TMEM116: variants seen among roughly 807,000 people sequenced by gnomAD.
The protein encoded by TMEM116 is transmembrane protein 116.
TMEM116 carries 38 observed loss-of-function variants against 44.3 expected under a neutral mutation model. That is an observed-to-expected ratio of 0.86 (90% CI 0.66 to 1.12). TMEM116 has a LOEUF of 1.12. Among genes scored for constraint, TMEM116 ranks in the 50% most tolerant of loss-of-function variants. TMEM116 has a pLI of 0.00. For missense variants in TMEM116, 354 were observed against 401.7 expected (o/e 0.88, Z 1.01); for synonymous variants, 132 against 144.8 (o/e 0.91, Z 0.64).
chr12:111,996,115 CT>C (rs774570511), intron 3 of TMEM116, among the ~76,000 whole-genome samples: 2 of 149,092 alleles, frequency 1.3e-5, no homozygotes, highest in African/African-American at 4.9e-5. Context: ...AACTGTAAAC[CT>C]TTTTTTTACA....
At chr12:111,969,538 GGGCACACCACA>G (rs2136445943) in intron 4 of TMEM116, among the ~76,000 whole-genome samples, 1 of 151,814 alleles carries the variant, frequency 6.6e-6, no homozygotes, top group South Asian at 2.1e-4. Flanking sequence ...GGGACTACCT[GGGCACACCACA>G]GGTGTGCACC....
intron 4 of TMEM116, among the ~76,000 whole-genome samples, chr12:111,989,327 T>C (rs978622801): frequency 6.6e-6 from 1 of 152,186 alleles, no homozygotes; most frequent in African/African-American, 2.4e-5. Context: ...GGGCCCCCTT[T>C]AGGCAGGAAA....
At position 111,943,354 on chromosome 12, in the gene TMEM116, A is replaced by G. The variant is rs562826268; in HGVS notation, c.226T>C (p.Ser76Pro). 1 of 1,613,030 alleles carries G rather than the reference A, an allele frequency of 6.2e-7. No individual in the cohort carries two copies. Among genetic ancestry groups the G allele is most frequent in the Non-Finnish European group, 8.5e-7 (1 of 1,179,130 alleles). Reference sequence around the variant, plus strand: ...ATGTAATTGACGGTGTAGAGAAATGAGGAAATGTAGAATATCTAGGTTAAA... The same window carrying G: ...ATGTAATTGACGGTGTAGAGAAATGGGGAAATGTAGAATATCTAGGTTAAA... ...QAVGQIFYIS[S>P]FLYTVNYIWY... The change falls in exon 5 of 11, where the codon TCA becomes CCA. Residue 76 changes from serine to proline, a missense_variant. Transcript: ENST00000552374.
chr12:111,981,790 A>G (rs1323135535), intron 4 of TMEM116, among the ~76,000 whole-genome samples: 2 of 152,210 alleles, frequency 1.3e-5, no homozygotes, highest in Non-Finnish European at 2.9e-5. Context: ...CTAAGTGTCC[A>G]TCAATAGATG....
At chr12:111,988,861 G>C (rs1040447969) in intron 4 of TMEM116, among the ~76,000 whole-genome samples, 2 of 151,526 alleles carry the variant, frequency 1.3e-5, no homozygotes, top group Non-Finnish European at 2.9e-5. Context: ...GTGTGGTGGC[G>C]GGCGCCTGTA....
chr12:111,939,757 G>GA, intron 5 of TMEM116, among the ~76,000 whole-genome samples: 1 of 152,116 alleles, frequency 6.6e-6, no homozygotes, highest in East Asian at 1.9e-4. Flanking sequence ...GGGCCCAGGA[G>GA]ATTGAGGCAG....
intron 3 of TMEM116, among the ~76,000 whole-genome samples, chr12:112,000,384 TGAGA>T (rs1213623574): frequency 6.6e-6 from 1 of 152,142 alleles, no homozygotes; most frequent in Non-Finnish European, 1.5e-5. Context: ...CCCTCAGAAA[TGAGA>T]GATAGAAAAA....
chr12:111,940,498 CATAT>C (rs1385809809), intron 5 of TMEM116, among the ~76,000 whole-genome samples: 45 of 118,850 alleles, frequency 3.8e-4, no homozygotes, highest in Middle Eastern at 4.3e-3. Context: ...CACACACACA[CATAT>C]ATATACACAC....
intron 4 of TMEM116, among the ~76,000 whole-genome samples, chr12:111,970,951 T>C (rs1452358525): frequency 6.6e-6 from 1 of 152,148 alleles, no homozygotes; most frequent in Non-Finnish European, 1.5e-5. Flanking sequence ...AACAACATGT[T>C]ACGTACAGAG....
chr12:111,991,994 T>C, intron 3 of TMEM116, 105 bp from the exon 4 acceptor site: 1 of 1,229,974 alleles, frequency 8.1e-7, no homozygotes, highest in Non-Finnish European at 1.1e-6. Context: ...ACTGACATCA[T>C]TTTTCTGGGG....
chr12:111,949,879 C>A (rs1344269575), intron 4 of TMEM116, among the ~76,000 whole-genome samples: 1 of 152,158 alleles, frequency 6.6e-6, no homozygotes, highest in Non-Finnish European at 1.5e-5. Context: ...CTTTGGAAGA[C>A]CGAGGCGGGT....
At chr12:111,984,793 T>A (rs1350141622) in intron 4 of TMEM116, among the ~76,000 whole-genome samples, 4 of 152,022 alleles carry the variant, frequency 2.6e-5, no homozygotes, top group African/African-American at 9.7e-5. Flanking sequence ...AAACATTTCA[T>A]GTACCCCCAT....
chr12:111,957,569 T>C (rs1158300806), intron 4 of TMEM116, among the ~76,000 whole-genome samples: 1 of 148,726 alleles, frequency 6.7e-6, no homozygotes, highest in African/African-American at 2.5e-5. Flanking sequence ...CCGCCCCGTC[T>C]GGGAGGTGGG....
rs2077518608 is a variant in TMEM116, at chr12:112,005,313, A to G, written c.-33-10T>C. 7.7e-7 allele frequency: 1 copy of G among 1,296,568 alleles called. No homozygotes were observed. The highest frequency in any genetic ancestry group is 1.5e-5 in the African/African-American group (1 of 64,780). 80.3% of individuals were successfully genotyped at this position (1,296,568 alleles called of 1,614,324 possible). On this transcript the variant is annotated splice_polypyrimidine_tract_variant and intron_variant, in intron 1 of 10. Transcript: ENST00000552374. The stretch of plus-strand genomic sequence containing the variant: ...GTATTGCAGGAAGAACCTAAGCAAA[A>G]CAAGGAAAACGGAATAAAATTAAAC...
chr12:112,005,213 C>T (rs10849992), intron 2 of TMEM116, 44 bp downstream of exon 2: 134,541 of 1,319,452 alleles, frequency 0.1, 8,115 homozygotes, highest in African/African-American at 0.25. Context: ...AATTGACGAA[C>T]TTTGCTTATA....
At chr12:111,957,759 C>A (rs1026089242) in intron 4 of TMEM116, among the ~76,000 whole-genome samples, 46 of 152,242 alleles carry the variant, frequency 3.0e-4, no homozygotes, top group Non-Finnish European at 6.3e-4. Flanking sequence ...CCGGCCACCA[C>A]CCCGTCTGGG....
chr12:111,974,841 T>C (rs1203454827), intron 4 of TMEM116, among the ~76,000 whole-genome samples: 1 of 152,092 alleles, frequency 6.6e-6, no homozygotes, highest in Admixed American at 6.6e-5. Context: ...TATAAAAATG[T>C]ATTTTATTTC....
At chr12:111,977,719 T>A (rs2075744434) in intron 4 of TMEM116, among the ~76,000 whole-genome samples, 1 of 152,002 alleles carries the variant, frequency 6.6e-6, no homozygotes, top group Non-Finnish European at 1.5e-5. Flanking sequence ...AGTGATTATA[T>A]CATAAGGGTA....
chr12:111,953,104 G>A (rs2031934817), intron 4 of TMEM116, among the ~76,000 whole-genome samples: 1 of 151,920 alleles, frequency 6.6e-6, no homozygotes, highest in Non-Finnish European at 1.5e-5. Flanking sequence ...ACAAAATAAT[G>A]CTGGCCCAAC....
Sources: allele counts gnomAD v4.1 joint callset (sites outside exome capture counted in the v4.1 genomes callset), GRCh38; gene constraint gnomAD v4.1.1; transcripts MANE v1.5; gene names NCBI Gene and HGNC (gene_info 2026-07-23, HGNC 2026-07-21).